Variants in CDIP1 observed in about 807,000 individuals in gnomAD.
CDIP1 encodes the protein cell death inducing p53 target 1, also known as cell death-inducing p53-target protein 1.
Under a neutral mutation model 17.7 loss-of-function variants are expected in CDIP1, and 9 were observed. That is an observed-to-expected ratio of 0.51 (90% CI 0.31 to 0.89). The LOEUF is 0.89. Among genes scored for constraint, CDIP1 ranks in the 40% least tolerant of loss-of-function variants. The pLI, the probability that CDIP1 is intolerant of heterozygous loss-of-function variation, is 0.05. For synonymous variants in CDIP1, 117 were observed against 109.5 expected (o/e 1.07, Z -0.43); for missense variants, 263 against 277.9 (o/e 0.95, Z 0.38).
chr16:4,522,632 C>T (rs944928458), intron 1 of CDIP1: 2 of 152,060 alleles, frequency 1.3e-5, no homozygotes, highest in Admixed American at 1.3e-4. Context: ...AAGACAAACA[C>T]TCTCTGTGCT....
intron 1 of CDIP1, among the ~76,000 whole-genome samples, chr16:4,521,305 G>A (rs1210562084): frequency 1.3e-5 from 2 of 152,118 alleles, no homozygotes; most frequent in South Asian, 4.1e-4. Context: ...CTAGCCCCCC[G>A]AGTGGTCTCA....
At chr16:4,536,643 A>G (rs1165541993) in intron 1 of CDIP1, 1 of 152,098 alleles carries the variant, frequency 6.6e-6, no homozygotes, top group African/African-American at 2.4e-5. Flanking sequence ...CTGCTCTTAA[A>G]TCCTTGTAAG....
At chr16:4,520,346 G>A (rs764116793) in intron 1 of CDIP1, among the ~76,000 whole-genome samples, 2 of 152,088 alleles carry the variant, frequency 1.3e-5, no homozygotes, top group African/African-American at 4.8e-5. Flanking sequence ...CTCGTCATCT[G>A]CCCGCCTCGG....
rs1397177046 is a variant in CDIP1, at chr16:4,513,705, T to G, written c.232A>C (p.Met78Leu). The change falls in exon 4 of 6, where the codon ATG becomes CTG. Residue 78 changes from methionine to leucine, a missense_variant. By Grantham distance (15) the Met-to-Leu change is conservative (BLOSUM62 2). Transcript: ENST00000567695. The surrounding 1 kb of genome is among the most constrained non-coding windows in gnomAD (Gnocchi z 4.1). Reference protein sequence around the residue: ...PPHMSADGTYMPPGFYPPPGP... With the variant: ...PPHMSADGTYLPPGFYPPPGP... ...TCCCTTCCCCACTCACCCGGAGGCA[T>G]GTAGGTGCCATCTGCACTCATGTGT... is the stretch of plus-strand genomic sequence containing the variant. 9 of 1,613,180 alleles carry G rather than the reference T, an allele frequency of 5.6e-6. No individual in the cohort carries two copies. The Admixed American group carries it at 1.3e-4, about 24-fold the overall frequency.
chr16:4,526,717 TAAAAATAAAATAAAAAA>T (rs1267511022), intron 1 of CDIP1, among the ~76,000 whole-genome samples: 1 of 146,890 alleles, frequency 6.8e-6, no homozygotes, highest in Non-Finnish European at 1.5e-5. Flanking sequence ...AAAAGATAAA[TAAAAATAAAATAAAAAA>T]TAAAATAAAA....
At chr16:4,525,674 G>A (rs1212423215) in intron 1 of CDIP1, among the ~76,000 whole-genome samples, 1 of 152,202 alleles carries the variant, frequency 6.6e-6, no homozygotes, top group African/African-American at 2.4e-5. Flanking sequence ...CCAACGCTGG[G>A]TGATGAGCAG....
chr16:4,519,268 A>AT (rs1491527971), intron 1 of CDIP1, among the ~76,000 whole-genome samples: 4 of 152,046 alleles, frequency 2.6e-5, no homozygotes, highest in Admixed American at 6.5e-5. Flanking sequence ...GTGGCAAAAC[A>AT]TGTGGGGGTT....
intron 1 of CDIP1, among the ~76,000 whole-genome samples, chr16:4,519,663 T>G (rs1186456854): frequency 6.6e-6 from 1 of 152,182 alleles, no homozygotes; most frequent in African/African-American, 2.4e-5. Flanking sequence ...GTTTGGGACA[T>G]GGGAGGTGGA....
intron 1 of CDIP1, among the ~76,000 whole-genome samples, chr16:4,525,728 G>C (rs571347861): frequency 1.1e-4 from 16 of 152,314 alleles, no homozygotes; most frequent in Admixed American, 2.6e-4. Context: ...TTGCAGAGCA[G>C]CCTCTAGTGA....
Position 4,513,710 on chromosome 16 carries a change from G to T in CDIP1, c.227C>A (p.Thr76Asn). 1 of 1,613,586 alleles carries T rather than the reference G, an allele frequency of 6.2e-7. No individual in the cohort carries two copies. The highest frequency in any genetic ancestry group is 8.5e-7 in the Non-Finnish European group (1 of 1,179,718). Residue 76 changes from threonine to asparagine, a missense_variant, in exon 4 of 6, where the codon ACC (threonine) becomes AAC (asparagine). Transcript: ENST00000567695. This position sits in a 1 kb window ranked among gnomAD's most constrained non-coding sequence, Gnocchi z 4.1. ...FIPPHMSADG[T>N]YMPPGFYPPP... is the part of the protein sequence containing the mutation. ...TCCCCACTCACCCGGAGGCATGTAG[G>T]TGCCATCTGCACTCATGTGTGGTGG...
rs2058842791 is a variant in CDIP1 at position 4,512,601 on chromosome 16, A to T, written c.598T>A (p.Tyr200Asn). Residue 200 changes from tyrosine to asparagine, a missense_variant, in exon 6 of 6, where the codon TAC becomes AAC. Coordinates refer to ENST00000567695, the MANE Select transcript of CDIP1 (RefSeq NM_013399.3). This position sits in a 1 kb window ranked among gnomAD's most constrained non-coding sequence, Gnocchi z 4.6. ...CACAGGCGCTTGTACGTGTAGATGTAGGCTTTGCAGCTGGGGCATGTGTGC... is the reference window on the plus strand; with the variant it reads ...CACAGGCGCTTGTACGTGTAGATGTTGGCTTTGCAGCTGGGGCATGTGTGC... ...VTHTCPSCKA[Y>N]IYTYKRLC The T allele has an allele frequency of 6.2e-7, 1 of 1,612,826 alleles. No individual in the cohort carries two copies. The highest frequency in any genetic ancestry group is 8.5e-7 in the Non-Finnish European group (1 of 1,179,456).
In CDIP1 at chr16:4,511,887, A is replaced by AG. The variant is rs2141624310; in HGVS notation, c.*684dup. On this transcript the variant is annotated 3_prime_UTR_variant, in exon 6 of 6. Coordinates refer to ENST00000567695, the MANE Select transcript of CDIP1 (RefSeq NM_013399.3). ...AGGGACAAGTTCCTTCTTAGCTACCAGGGTCTGATCATTCACCCAGGTACA... is the reference window on the plus strand; with the variant it reads ...AGGGACAAGTTCCTTCTTAGCTACCAGGGGTCTGATCATTCACCCAGGTACA... 6.5e-6 allele frequency: 1 copy of AG among 153,056 alleles called. No individual in the cohort carries two copies. Among genetic ancestry groups the AG allele is most frequent in the Admixed American group, 6.5e-5 (1 of 15,350 alleles). The allele number at this position is 153,056 out of a possible 1,614,324, so 9.5% of individuals were successfully genotyped here. A position where few individuals can be genotyped will look rare whatever the true frequency, so the allele number is the denominator to read the frequency against.
In CDIP1 at chr16:4,513,043, G is replaced by A; in HGVS notation, c.263C>T (p.Pro88Leu). ...MPPGFYPPPG[P>L]HPPMGYYPPG... ...GGGGTAGTAGCCCATGGGTGGGTGG[G>A]GGCCTGGAGGAGGGTAGAAACCTGG... The change falls in exon 5 of 6, where the codon CCC becomes CTC. Residue 88 changes from proline (P) to leucine (L), a missense_variant. By Grantham distance (98) the Pro-to-Leu change is moderately conservative. Transcript: ENST00000567695. This position sits in a 1 kb window ranked among gnomAD's most constrained non-coding sequence, Gnocchi z 4.1. The A allele has an allele frequency of 1.3e-6, 2 of 1,594,154 alleles. No individual in the cohort carries two copies. The highest frequency in any genetic ancestry group is 1.7e-6 in the Non-Finnish European group (2 of 1,173,124).
chr16:4,520,028 T>C (rs1036650872), intron 1 of CDIP1, among the ~76,000 whole-genome samples: 18 of 152,116 alleles, frequency 1.2e-4, no homozygotes, highest in African/African-American at 3.6e-4. Context: ...AGGAGATAAA[T>C]TCCTCTTCTT....
intron 1 of CDIP1, among the ~76,000 whole-genome samples, chr16:4,527,128 C>T (rs1388828013): frequency 6.6e-6 from 1 of 151,632 alleles, no homozygotes; most frequent in African/African-American, 2.4e-5. Context: ...CGCACTGTCG[C>T]CCAGGCTGGA....
At position 4,512,526 on chromosome 16, in the gene CDIP1, CAG is replaced by C. The variant is rs750351377; in HGVS notation, c.*44_*45del. On this transcript the variant is annotated 3_prime_UTR_variant, in exon 6 of 6. Transcript: ENST00000567695. This position sits in a 1 kb window ranked among gnomAD's most constrained non-coding sequence, Gnocchi z 4.6. ...ACCACTGAGCACAGGGAGCAAAGCA[CAG>C]GGGGCCAGACTGACAGGCGGGGGAG... is the stretch of plus-strand genomic sequence containing the variant. 8 of 1,407,288 alleles carry C rather than the reference CAG, an allele frequency of 5.7e-6. No individual in the cohort carries two copies. The South Asian group carries it at 9.2e-5, about 16-fold the overall frequency. The allele number at this position is 1,407,288 out of a possible 1,614,324, so 87.2% of individuals were successfully genotyped here.
intron 1 of CDIP1, among the ~76,000 whole-genome samples, chr16:4,520,818 T>A (rs2058938470): frequency 6.6e-6 from 1 of 152,204 alleles, no homozygotes; most frequent in Non-Finnish European, 1.5e-5. Context: ...TTGCTCATTT[T>A]CAAGAAAGTG....
chr16:4,530,458 C>G (rs985375191), intron 1 of CDIP1, among the ~76,000 whole-genome samples: 19 of 145,046 alleles, frequency 1.3e-4, no homozygotes, highest in African/African-American at 4.6e-4. Flanking sequence ...GAAACCAGCC[C>G]GACCAACATG....
chr16:4,513,957 T>G lies in CDIP1; in HGVS notation c.85+89A>C. 7.4e-7 allele frequency: 1 copy of G among 1,358,818 alleles called. No individual in the cohort carries two copies. The highest frequency in any genetic ancestry group is 1.0e-6 in the Non-Finnish European group (1 of 1,001,376). The allele number at this position is 1,358,818 out of a possible 1,614,324, so 84.2% of individuals were successfully genotyped here. ...CACAGATGGGGCCCAGGGGTAACCCTGGAGTGGGCATCACCACTTAGAGAG... is the reference window on the plus strand; with the variant it reads ...CACAGATGGGGCCCAGGGGTAACCCGGGAGTGGGCATCACCACTTAGAGAG... On this transcript the variant is annotated intron_variant, in intron 3 of 5. Coordinates refer to ENST00000567695, the MANE Select transcript of CDIP1 (RefSeq NM_013399.3). This position sits in a 1 kb window ranked among gnomAD's most constrained non-coding sequence, Gnocchi z 4.1.
Sources: gnomAD v4.1 joint callset for allele counts (sites outside exome capture counted in the v4.1 genomes callset) on GRCh38, gnomAD v4.1.1 for gene constraint, Gnocchi (gnomAD v3.1) non-coding constraint, MANE v1.5 for transcripts, NCBI Gene and HGNC (gene_info 2026-07-23, HGNC 2026-07-21) for gene names.